Variants in CACNA1C observed in about 807,000 individuals in gnomAD.
CACNA1C encodes voltage-dependent L-type calcium channel subunit alpha-1C.
Under a neutral mutation model 229.0 loss-of-function variants are expected in CACNA1C, and 30 were observed. The observed-to-expected ratio is 0.13, with a 90% confidence interval of 0.10 to 0.18. CACNA1C has a LOEUF of 0.18. Among genes scored for constraint, CACNA1C ranks in the 10% least tolerant of loss-of-function variants. The pLI, the probability that CACNA1C is intolerant of heterozygous loss-of-function variation, is 1.00. For synonymous variants in CACNA1C, 1,114 were observed against 1,132.5 expected (o/e 0.98, Z 0.33); for missense variants, 1,658 against 2,845.0 (o/e 0.58, Z 9.49).
At chr12:2,612,053 G>A in intron 29 of CACNA1C, 40 bp downstream of exon 29, 1 of 1,231,698 alleles carries the variant, frequency 8.1e-7, no homozygotes, top group Non-Finnish European at 1.2e-6. Flanking sequence ...CAGGCATCAG[G>A]GGTGGACAGA....
intron 7 of CACNA1C, among the ~76,000 whole-genome samples, chr12:2,500,355 G>T (rs1432576927): frequency 2.0e-5 from 3 of 152,220 alleles, no homozygotes; most frequent in East Asian, 3.8e-4. Context: ...CAGAAGAAAG[G>T]ATTCCCAGAC....
In CACNA1C at chr12:2,605,270, A is replaced by G. The variant is rs960434296; in HGVS notation, c.3048+102A>G. On this transcript the variant is annotated intron_variant, in intron 23 of 46. Transcript: ENST00000399655. The surrounding 1 kb of genome is among the most constrained non-coding windows in gnomAD (Gnocchi z 6.2). ...TTGGAAGGAGATGATGGTCAGACCA[A>G]GTGGCTGCCATGTGGGGTCCCGGAC... 1.5e-5 allele frequency: 12 copies of G among 776,706 alleles called. No individual in the cohort carries two copies. Among genetic ancestry groups the G allele is most frequent in the Non-Finnish European group, 2.7e-5 (12 of 451,104 alleles). The allele number at this position is 776,706 out of a possible 1,614,324, so 48.1% of individuals were successfully genotyped here. A position where few individuals can be genotyped will look rare whatever the true frequency, so the allele number is the denominator to read the frequency against.
At chr12:2,043,502 A>G (rs1034017071) in intron 1 of CACNA1C, among the ~76,000 whole-genome samples, 2 of 152,176 alleles carry the variant, frequency 1.3e-5, no homozygotes, top group African/African-American at 4.8e-5. Context: ...CAGGTCTTCC[A>G]TCTCCTCAAC....
At chr12:2,484,414 G>A (rs937108568) in intron 5 of CACNA1C, among the ~76,000 whole-genome samples, 9 of 152,180 alleles carry the variant, frequency 5.9e-5, no homozygotes, top group African/African-American at 1.7e-4. Context: ...AGAGGTGGGT[G>A]TAGCCAGACC....
intron 3 of CACNA1C, among the ~76,000 whole-genome samples, chr12:2,358,241 C>T (rs73607704): frequency 0.042 from 6,190 of 145,828 alleles, 200 homozygotes; most frequent in East Asian, 0.13. Flanking sequence ...CTAAAAGAAG[C>T]GGCGTCCTCC....
chr12:2,550,789 AAG>A, intron 10 of CACNA1C: 1 of 740,834 alleles, frequency 1.3e-6, no homozygotes, highest in South Asian at 1.7e-5. Flanking sequence ...TGAGCTGTGG[AAG>A]AGTCTAAACA....
chr12:2,356,332 A>G (rs7956704), intron 3 of CACNA1C, among the ~76,000 whole-genome samples: 18,273 of 152,268 alleles, frequency 0.12, 2,225 homozygotes, highest in African/African-American at 0.31. Context: ...TGATGGGGCC[A>G]AAAACAGCCA....
At chr12:2,320,503 G>A (rs57386650) in intron 3 of CACNA1C, among the ~76,000 whole-genome samples, 5 of 152,216 alleles carry the variant, frequency 3.3e-5, no homozygotes, top group Non-Finnish European at 2.9e-5. Flanking sequence ...GAATGTACAC[G>A]TGATTAATCA....
intron 3 of CACNA1C, among the ~76,000 whole-genome samples, chr12:2,274,432 A>G (rs929464490): frequency 6.6e-6 from 1 of 152,200 alleles, no homozygotes; most frequent in African/African-American, 2.4e-5. Context: ...GAGACACTTC[A>G]TCAACCAGGA....
intron 3 of CACNA1C, among the ~76,000 whole-genome samples, chr12:2,342,003 C>A (rs371197563): frequency 5.9e-5 from 9 of 152,152 alleles, no homozygotes; most frequent in African/African-American, 1.9e-4. Context: ...CCCAACCTCA[C>A]GGGTTAAAAT....
intron 3 of CACNA1C, among the ~76,000 whole-genome samples, chr12:2,349,399 A>G (rs535497457): frequency 7.9e-5 from 12 of 152,124 alleles, no homozygotes; most frequent in African/African-American, 2.9e-4. Context: ...TACTGTCTCA[A>G]TTGGAATCAT....
In CACNA1C at chr12:2,566,837, A is replaced by G. The variant is rs563787688; in HGVS notation, c.1669+255A>G. On this transcript the variant is annotated intron_variant, in intron 12 of 46. Coordinates refer to ENST00000399655, the MANE Select transcript of CACNA1C (RefSeq NM_000719.7). This position sits in a 1 kb window ranked among gnomAD's most constrained non-coding sequence, Gnocchi z 4.0. ...CAGCCTGCCCCAAAGTCACTGTTGG[A>G]CCCAGGTGATGAGGAAAGGGGCTGC... Among the ~76,000 whole-genome samples the G allele has an allele frequency of 7.4e-4, 112 of 152,230 alleles. No individual in the cohort carries two copies. Among genetic ancestry groups the G allele is most frequent in the African/African-American group, 2.6e-3 (109 of 41,532 alleles).
At chr12:2,328,220 C>A (rs1406506038) in intron 3 of CACNA1C, among the ~76,000 whole-genome samples, 1 of 152,186 alleles carries the variant, frequency 6.6e-6, no homozygotes, top group Non-Finnish European at 1.5e-5. Context: ...CAGAAATTTC[C>A]TGGATGCCCC....
chr12:2,291,037 C>T (rs557999271), intron 3 of CACNA1C, among the ~76,000 whole-genome samples: 2 of 152,180 alleles, frequency 1.3e-5, no homozygotes, highest in Non-Finnish European at 2.9e-5. Context: ...AATTCCAGCT[C>T]TGTGTGCAGG....
At chr12:2,014,796 T>C (rs10848601) in intron 1 of CACNA1C, among the ~76,000 whole-genome samples, 27,123 of 152,168 alleles carry the variant, frequency 0.18, 2,601 homozygotes, top group Non-Finnish European at 0.21. Flanking sequence ...GCTTGAGCTT[T>C]AGGCCTTACA....
chr12:2,410,008 C>T lies in CACNA1C; in HGVS notation c.478-38968C>T, dbSNP rs1205067849. Among the ~76,000 whole-genome samples the T allele has an allele frequency of 6.6e-6, 1 of 152,186 alleles. No individual in the cohort carries two copies. Among genetic ancestry groups the T allele is most frequent in the African/African-American group, 2.4e-5 (1 of 41,446 alleles). ...GCAGGACAGCTCGGAGAGACAGGAA[C>T]GCAAACAGAGGAGAATTTTCGCTCG... On this transcript the variant is annotated intron_variant, in intron 3 of 46. Coordinates refer to ENST00000399655, the MANE Select transcript of CACNA1C (RefSeq NM_000719.7). This position sits in a 1 kb window ranked among gnomAD's most constrained non-coding sequence, Gnocchi z 5.3.
intron 1 of CACNA1C, among the ~76,000 whole-genome samples, chr12:2,012,230 A>G (rs11062067): frequency 0.053 from 8,020 of 152,256 alleles, 247 homozygotes; most frequent in Middle Eastern, 0.088. Flanking sequence ...GGGGAGGTAT[A>G]GTATCTACTT....
At chr12:2,153,817 A>C (rs550698976) in intron 3 of CACNA1C, among the ~76,000 whole-genome samples, 48 of 152,338 alleles carry the variant, frequency 3.2e-4, no homozygotes, top group African/African-American at 1.1e-3. Flanking sequence ...GCACACAGGC[A>C]TAGATCATTA....
chr12:2,498,732 C>T (rs1398874704), intron 7 of CACNA1C, among the ~76,000 whole-genome samples: 2 of 152,212 alleles, frequency 1.3e-5, no homozygotes, highest in East Asian at 3.9e-4. Flanking sequence ...TGGGGCTTTA[C>T]TGGACCAGGA....
Sources: allele counts gnomAD v4.1 joint callset (sites outside exome capture counted in the v4.1 genomes callset), GRCh38; gene constraint gnomAD v4.1.1; non-coding constraint Gnocchi (gnomAD v3.1); transcripts MANE v1.5; gene names NCBI Gene and HGNC (gene_info 2026-07-23, HGNC 2026-07-21).